MIAT: variants seen among roughly 807,000 people sequenced by gnomAD.
MIAT encodes MI related novel mRNA.
exon 2 of MIAT, chr22:26,647,304 A>AC (rs1930250103): frequency 2.6e-6 from 1 of 383,182 alleles, no homozygotes; most frequent in Non-Finnish European, 4.6e-6. Context: ...CTGGGATGCG[A>AC]CAAAAAAGTA....
intron 2 of MIAT, chr22:26,660,738 A>G (rs950642724): frequency 6.6e-6 from 1 of 152,176 alleles, no homozygotes; most frequent in African/African-American, 2.4e-5. Context: ...TTCCCAGGGC[A>G]GGATTACACT....
At chr22:26,669,639 TAACAG>T in exon 6 of MIAT, 1 of 398,770 alleles carries the variant, frequency 2.5e-6, no homozygotes, top group South Asian at 1.3e-4. Flanking sequence ...ATTCAGTTCT[TAACAG>T]GGTGGTCACC....
chr22:26,653,574 TA>T (rs1203421132), intron 2 of MIAT, among the ~76,000 whole-genome samples: 1 of 152,198 alleles, frequency 6.6e-6, no homozygotes, highest in African/African-American at 2.4e-5. Context: ...AGCAATCACG[TA>T]GTTTTTAAAA....
intron 2 of MIAT, chr22:26,660,817 G>A (rs560624018): frequency 2.6e-4 from 40 of 152,340 alleles, no homozygotes; most frequent in African/African-American, 9.6e-4. Context: ...AGTTACGCAG[G>A]TCCGTGTGCA....
At chr22:26,668,257 C>T (rs1455319270) in exon 6 of MIAT, 1 of 398,694 alleles carries the variant, frequency 2.5e-6, no homozygotes, top group East Asian at 3.6e-5. Flanking sequence ...AGCGGTCAGA[C>T]TCCGGTGGTT....
At chr22:26,663,590 G>A (rs907377002) in intron 3 of MIAT, 6 of 387,276 alleles carry the variant, frequency 1.5e-5, no homozygotes, top group African/African-American at 1.0e-4. Flanking sequence ...TGAAGTGGGT[G>A]GTCTGTGTGG....
chr22:26,666,757 G>T, exon 4 of MIAT: 1 of 398,772 alleles, frequency 2.5e-6, no homozygotes, highest in Non-Finnish European at 4.4e-6. Context: ...CCTGGCTCCT[G>T]GTCCTTCTTT....
downstream of MIAT, chr22:26,670,165 A>C: frequency 2.5e-6 from 1 of 397,008 alleles, no homozygotes; most frequent in Non-Finnish European, 4.4e-6. Flanking sequence ...CTCTTTAATC[A>C]GCTTGGGGAG....
At chr22:26,670,367 G>C (rs547259488), downstream of MIAT, 9 of 398,474 alleles carry the variant, frequency 2.3e-5, no homozygotes, top group South Asian at 5.1e-4. Context: ...GATAAAACCA[G>C]CTCACATGGA....
exon 6 of MIAT, chr22:26,668,682 G>T (rs1930940726): frequency 5.0e-6 from 2 of 399,010 alleles, no homozygotes; most frequent in South Asian, 2.5e-4. Context: ...CAGCTCCTCG[G>T]GTGCCGCTGG....
intron 2 of MIAT, among the ~76,000 whole-genome samples, chr22:26,651,614 A>G (rs1462463251): frequency 6.6e-6 from 1 of 152,270 alleles, no homozygotes; most frequent in Non-Finnish European, 1.5e-5. Context: ...AGCGCTATTC[A>G]GATTAGCCAA....
At chr22:26,654,977 G>T (rs1342295653) in intron 2 of MIAT, among the ~76,000 whole-genome samples, 1 of 152,204 alleles carries the variant, frequency 6.6e-6, no homozygotes, top group African/African-American at 2.4e-5. Context: ...CTCCCAAAGT[G>T]CTGGGATTAC....
intron 2 of MIAT, among the ~76,000 whole-genome samples, chr22:26,652,561 C>A (rs960097570): frequency 1.3e-5 from 2 of 152,028 alleles, no homozygotes; most frequent in Non-Finnish European, 1.5e-5. Flanking sequence ...TTTCACCATG[C>A]TGGTCAGGCT....
intron 2 of MIAT, among the ~76,000 whole-genome samples, chr22:26,651,185 T>A (rs982178443): frequency 5.9e-5 from 9 of 152,230 alleles, no homozygotes; most frequent in Non-Finnish European, 1.3e-4. Context: ...AATCACTCAC[T>A]GCTGAACTCA....
chr22:26,655,492 T>G (rs1302163786), intron 2 of MIAT, among the ~76,000 whole-genome samples: 1 of 152,206 alleles, frequency 6.6e-6, no homozygotes, highest in Non-Finnish European at 1.5e-5. Flanking sequence ...TTTAATAATA[T>G]AAATATGTCG....
chr22:26,676,350 A>G (rs1931264188), exon 5 of MIAT: 5 of 398,668 alleles, frequency 1.3e-5, no homozygotes, highest in Non-Finnish European at 8.8e-6. Flanking sequence ...ATTTCTCTGT[A>G]GATTAAAAAT....
At chr22:26,674,733 G>A (rs1040788013) in exon 5 of MIAT, 165 of 398,496 alleles carry the variant, frequency 4.1e-4, no homozygotes, top group Non-Finnish European at 2.7e-4. Flanking sequence ...GTGCCTGCCT[G>A]CCATCCTCTA....
intron 2 of MIAT, chr22:26,658,425 G>A (rs759459514): frequency 3.3e-5 from 5 of 152,208 alleles, no homozygotes; most frequent in Non-Finnish European, 7.3e-5. Flanking sequence ...GCCAGTGATT[G>A]TGAATCCAGA....
chr22:26,652,955 C>A (rs1930363616), intron 2 of MIAT, among the ~76,000 whole-genome samples: 1 of 152,164 alleles, frequency 6.6e-6, no homozygotes, highest in Admixed American at 6.6e-5. Flanking sequence ...TGTTTACCAT[C>A]TCGGGGCTTG....
Sources: allele counts gnomAD v4.1 joint callset (sites outside exome capture counted in the v4.1 genomes callset), GRCh38; gene constraint gnomAD v4.1.1; transcripts MANE v1.5; gene names NCBI Gene and HGNC (gene_info 2026-07-23, HGNC 2026-07-21).